Variants in EBF2 observed in about 807,000 individuals in gnomAD.
The protein encoded by EBF2 is EBF transcription factor 2, also known as transcription factor COE2.
EBF2 carries 21 observed loss-of-function variants against 72.8 expected under a neutral mutation model. The ratio of observed to expected loss-of-function variants is 0.29; its 90% CI spans 0.20 to 0.42. The LOEUF (loss-of-function observed/expected upper bound fraction) is 0.42. Among genes scored for constraint, EBF2 ranks in the 10% least tolerant of loss-of-function variants. EBF2 has a pLI of 1.00. For synonymous variants in EBF2, 299 were observed against 274.2 expected (o/e 1.09, Z -0.89); for missense variants, 637 against 731.2 (o/e 0.87, Z 1.49).
intron 6 of EBF2, among the ~76,000 whole-genome samples, chr8:25,957,687 A>G (rs1381439486): frequency 6.6e-6 from 1 of 152,068 alleles, no homozygotes; most frequent in African/African-American, 2.4e-5. Context: ...ACATAGCAAG[A>G]CCCTATCTCT....
chr8:25,993,367 A>G (rs182171194), intron 6 of EBF2, among the ~76,000 whole-genome samples: 52 of 152,358 alleles, frequency 3.4e-4, no homozygotes, highest in African/African-American at 1.2e-3. Flanking sequence ...TTCTGCTAAC[A>G]GCCCCTATGC....
At chr8:25,978,547 T>C (rs1804304678) in intron 6 of EBF2, among the ~76,000 whole-genome samples, 1 of 152,160 alleles carries the variant, frequency 6.6e-6, no homozygotes, top group Non-Finnish European at 1.5e-5. Context: ...CAAACCAAGC[T>C]GTTTCTGGGA....
At chr8:25,975,399 T>A (rs1468756064) in intron 6 of EBF2, among the ~76,000 whole-genome samples, 1 of 152,178 alleles carries the variant, frequency 6.6e-6, no homozygotes, top group Non-Finnish European at 1.5e-5. Context: ...CTGAAAGCAA[T>A]ATCAGATTCC....
Position 25,844,603 on chromosome 8 carries a change from T to A in EBF2, c.*6A>T. On this transcript the variant is annotated 3_prime_UTR_variant, in exon 16 of 16. Coordinates refer to ENST00000520164, the MANE Select transcript of EBF2 (RefSeq NM_022659.4). The stretch of plus-strand genomic sequence containing the variant: ...TAGTTTTGTGCTATAAGAAAGCAGT[T>A]CTTCTTTACATCGGGGGTACAACAA... The A allele has an allele frequency of 1.9e-6, 3 of 1,614,028 alleles. No homozygotes were observed. The Admixed American group carries it at 5.0e-5, about 27-fold the overall frequency.
At chr8:25,898,691 T>C (rs1307721113) in intron 7 of EBF2, among the ~76,000 whole-genome samples, 3 of 152,192 alleles carry the variant, frequency 2.0e-5, no homozygotes, top group Non-Finnish European at 1.5e-5. Context: ...AGCCATAACA[T>C]ATTTGATGCA....
intron 6 of EBF2, among the ~76,000 whole-genome samples, chr8:25,943,314 A>AG (rs1803710385): frequency 7.9e-6 from 1 of 126,546 alleles, no homozygotes; most frequent in African/African-American, 3.0e-5. Flanking sequence ...CTCTACACAA[A>AG]AAAAAAAAAA....
chr8:25,857,465 T>G (rs1802117244), intron 14 of EBF2, among the ~76,000 whole-genome samples: 1 of 152,092 alleles, frequency 6.6e-6, no homozygotes, highest in Non-Finnish European at 1.5e-5. Flanking sequence ...GAGGGCAAGG[T>G]GCAGAGAATT....
chr8:26,034,509 CA>C (rs1805464598), intron 5 of EBF2, among the ~76,000 whole-genome samples: 1 of 152,166 alleles, frequency 6.6e-6, no homozygotes, highest in African/African-American at 2.4e-5. Flanking sequence ...GGGTGCAAAA[CA>C]CTCCAGTCCA....
chr8:25,886,157 G>A lies in EBF2; in HGVS notation c.1009+598C>T, dbSNP rs185084196. ...TCCTGAAACTCATATTCCATTCATC[G>A]GAATTACCAAACATTTCAAATTTAT... On this transcript the variant is annotated intron_variant, in intron 10 of 15. Transcript: ENST00000520164. 2.9e-3 allele frequency among the ~76,000 whole-genome samples: 436 copies of A among 152,134 alleles called. 4 individuals carry two copies. The highest frequency in any genetic ancestry group is 0.01 in the African/African-American group (418 of 41,500).
intron 7 of EBF2, among the ~76,000 whole-genome samples, chr8:25,900,810 A>T (rs1252332983): frequency 8.5e-6 from 1 of 117,958 alleles, no homozygotes; most frequent in Non-Finnish European, 1.8e-5. Context: ...AAATAAAAAA[A>T]GTGAGAAAAC....
chr8:25,903,488 A>G (rs1231003721), intron 7 of EBF2, among the ~76,000 whole-genome samples: 1 of 152,056 alleles, frequency 6.6e-6, no homozygotes, highest in East Asian at 1.9e-4. Flanking sequence ...GAGGTCAGGA[A>G]ATCGAGACCA....
chr8:25,993,657 G>T (rs1804579553), intron 6 of EBF2, among the ~76,000 whole-genome samples: 1 of 152,166 alleles, frequency 6.6e-6, no homozygotes, highest in South Asian at 2.1e-4. Flanking sequence ...ACCACTGTGT[G>T]GAATGCAAGC....
intron 10 of EBF2, among the ~76,000 whole-genome samples, chr8:25,866,019 C>T (rs933836689): frequency 8.7e-5 from 13 of 149,116 alleles, no homozygotes; most frequent in African/African-American, 2.2e-4. Context: ...AGCAAGACTC[C>T]GTCTCAAAAA....
intron 6 of EBF2, chr8:26,032,765 T>A (rs1805430558): frequency 4.4e-6 from 1 of 229,246 alleles, no homozygotes; most frequent in Non-Finnish European, 8.5e-6. Flanking sequence ...TTGCTTCTTC[T>A]AGAAAACTGA....
At chr8:25,915,277 C>A (rs1254758885) in intron 6 of EBF2, among the ~76,000 whole-genome samples, 2 of 150,234 alleles carry the variant, frequency 1.3e-5, no homozygotes, top group Non-Finnish European at 3.0e-5. Flanking sequence ...CTTGGCCAAG[C>A]TTTGGAAAAA....
intron 6 of EBF2, among the ~76,000 whole-genome samples, chr8:25,988,392 T>G (rs972573445): frequency 6.6e-6 from 1 of 152,132 alleles, no homozygotes; most frequent in Non-Finnish European, 1.5e-5. Context: ...TTTAAATGAG[T>G]TTTATAAGTC....
intron 10 of EBF2, among the ~76,000 whole-genome samples, chr8:25,885,444 A>G (rs1585275663): frequency 6.6e-6 from 1 of 152,214 alleles, no homozygotes; most frequent in Admixed American, 6.5e-5. Context: ...TAGACTTTCC[A>G]TCTCTATGAA....
intron 6 of EBF2, among the ~76,000 whole-genome samples, chr8:25,930,064 G>A (rs998943931): frequency 3.3e-5 from 5 of 152,124 alleles, no homozygotes; most frequent in Non-Finnish European, 7.4e-5. Flanking sequence ...AACTAGAACC[G>A]CTTTCAATTA....
intron 6 of EBF2, among the ~76,000 whole-genome samples, chr8:26,009,104 A>G: frequency 1.6e-5 from 1 of 62,230 alleles, no homozygotes; most frequent in Non-Finnish European, 2.8e-5. Flanking sequence ...CATGAGTAAA[A>G]GCGAAAAAAA....
Sources: allele counts gnomAD v4.1 joint callset (sites outside exome capture counted in the v4.1 genomes callset), GRCh38; gene constraint gnomAD v4.1.1; transcripts MANE v1.5; gene names NCBI Gene and HGNC (gene_info 2026-07-23, HGNC 2026-07-21).